The following KCNK10 variants were observed in gnomAD, a reference collection of about 807,000 sequenced individuals.
The protein encoded by KCNK10 is potassium channel subfamily K member 10.
A neutral mutation model predicts 47.7 loss-of-function variants in KCNK10; 25 were observed. The observed-to-expected ratio is 0.52, with a 90% CI of 0.38 to 0.73. The LOEUF (loss-of-function observed/expected upper bound fraction) is 0.73, where lower values mean the gene tolerates loss of function less well. Ranked by LOEUF, KCNK10 falls within the 30% of genes least tolerant of loss-of-function variation. The pLI, the probability that KCNK10 is intolerant of heterozygous loss-of-function variation, is 0.00. For missense variants in KCNK10, 563 were observed against 714.5 expected (o/e 0.79, Z 2.42); for synonymous variants, 303 against 285.6 (o/e 1.06, Z -0.61).
chr14:88,196,685 G>C (rs769782795), intron 4 of KCNK10, among the ~76,000 whole-genome samples: 3 of 152,160 alleles, frequency 2.0e-5, no homozygotes, highest in Non-Finnish European at 4.4e-5. Flanking sequence ...AAAATCCTAA[G>C]ACAGAAGCTA....
intron 1 of KCNK10, among the ~76,000 whole-genome samples, chr14:88,321,218 G>A (rs1005268423): frequency 6.6e-6 from 1 of 152,062 alleles, no homozygotes; most frequent in African/African-American, 2.4e-5. Flanking sequence ...TCCCTCTTCT[G>A]CAACAATTCC....
chr14:88,212,769 C>T (rs1885502576), intron 4 of KCNK10, among the ~76,000 whole-genome samples: 1 of 152,214 alleles, frequency 6.6e-6, no homozygotes, highest in South Asian at 2.1e-4. Context: ...TTATGATGCA[C>T]AAATGCAGCT....
Position 88,300,300 on chromosome 14 carries a change from T to C in KCNK10, c.52+22447A>G, listed in dbSNP as rs369157093. On this transcript the variant is annotated intron_variant, in intron 1 of 6. Coordinates refer to ENST00000319231, the MANE Select transcript of KCNK10 (RefSeq NM_138317.3). Reference sequence around the variant, plus strand: ...CTACTTCTTCTACTTCTCATTCTTATCCATCTTGTGCCACACGTCCTTCAT... The same window carrying C: ...CTACTTCTTCTACTTCTCATTCTTACCCATCTTGTGCCACACGTCCTTCAT... Among the ~76,000 whole-genome samples, 6 of 152,324 alleles carry C rather than the reference T, an allele frequency of 3.9e-5. No individual in the cohort carries two copies. In the East Asian group the frequency reaches 7.7e-4, roughly 20 times the overall value.
chr14:88,235,325 ACTTC>A, intron 3 of KCNK10: 2 of 434,834 alleles, frequency 4.6e-6, no homozygotes, highest in South Asian at 1.6e-5. Flanking sequence ...TAAATATAAA[ACTTC>A]CATAAGAAAA....
Position 88,263,426 on chromosome 14 carries a change from T to C in KCNK10, c.178A>G (p.Met60Val). Reference protein sequence around the residue: ...ISSRATVVARMEGTSQGGLQT... With the variant: ...ISSRATVVARVEGTSQGGLQT... ...AAGCCCCCTTGGGAGGTGCCTTCCA[T>C]CCTGGCTACCACTGTGGCTCGGGAG... Residue 60 changes from methionine (M) to valine (V), a missense_variant, in exon 2 of 7, where the codon ATG (methionine) becomes GTG (valine). Transcript: ENST00000319231. 6.2e-7 allele frequency: 1 copy of C among 1,614,142 alleles called. No homozygotes were observed. The highest frequency in any genetic ancestry group is 8.5e-7 in the Non-Finnish European group (1 of 1,180,038).
At chr14:88,229,180 G>GTCT (rs1423919079) in intron 3 of KCNK10, among the ~76,000 whole-genome samples, 1 of 152,184 alleles carries the variant, frequency 6.6e-6, no homozygotes, top group Non-Finnish European at 1.5e-5. Context: ...AGGCAAACAA[G>GTCT]TGGAGGCTTG....
At chr14:88,218,577 A>G (rs529514553) in intron 4 of KCNK10, among the ~76,000 whole-genome samples, 1 of 152,168 alleles carries the variant, frequency 6.6e-6, no homozygotes, top group East Asian at 1.9e-4. Flanking sequence ...AAAAGAAAAA[A>G]AAAAAAAGGT....
chr14:88,220,514 G>A (rs1385542790), intron 4 of KCNK10, among the ~76,000 whole-genome samples: 2 of 146,242 alleles, frequency 1.4e-5, no homozygotes, highest in Non-Finnish European at 3.0e-5. Flanking sequence ...TAGACAAATA[G>A]GTCAATGAAC....
chr14:88,298,485 G>A (rs1020644685), intron 1 of KCNK10, among the ~76,000 whole-genome samples: 1 of 151,996 alleles, frequency 6.6e-6, no homozygotes, highest in Non-Finnish European at 1.5e-5. Context: ...ACTGCTCCAC[G>A]CCTTAGAGAT....
At chr14:88,299,656 T>G (rs2139788823) in intron 1 of KCNK10, among the ~76,000 whole-genome samples, 1 of 152,222 alleles carries the variant, frequency 6.6e-6, no homozygotes, top group African/African-American at 2.4e-5. Flanking sequence ...TACTGTGCAT[T>G]TGGAAAAATA....
chr14:88,320,873 A>G (rs980577264), intron 1 of KCNK10, among the ~76,000 whole-genome samples: 1 of 152,038 alleles, frequency 6.6e-6, no homozygotes, highest in African/African-American at 2.4e-5. Flanking sequence ...CCAACCCCAC[A>G]ATGCTACCCC....
chr14:88,309,123 C>G (rs776147230), intron 1 of KCNK10, among the ~76,000 whole-genome samples: 1 of 152,080 alleles, frequency 6.6e-6, no homozygotes, highest in Non-Finnish European at 1.5e-5. Flanking sequence ...AAGAAGACTC[C>G]GGGCAAATAT....
At chr14:88,247,021 C>T (rs1886662989) in intron 2 of KCNK10, among the ~76,000 whole-genome samples, 1 of 152,200 alleles carries the variant, frequency 6.6e-6, no homozygotes, top group Admixed American at 6.5e-5. Flanking sequence ...CCAAGGGACT[C>T]ATGACACTGA....
At chr14:88,235,082 T>G in intron 3 of KCNK10, 1 of 456,572 alleles carries the variant, frequency 2.2e-6, no homozygotes. Flanking sequence ...CACCCTGAAC[T>G]TGATCTGGTT....
intron 3 of KCNK10, among the ~76,000 whole-genome samples, chr14:88,232,829 G>A (rs1886192103): frequency 6.6e-6 from 1 of 152,164 alleles, no homozygotes; most frequent in African/African-American, 2.4e-5. Flanking sequence ...TGATTTTTGG[G>A]AAAGCCCCCC....
intron 1 of KCNK10, among the ~76,000 whole-genome samples, chr14:88,268,580 G>A (rs1887331402): frequency 6.6e-6 from 1 of 152,200 alleles, no homozygotes; most frequent in African/African-American, 2.4e-5. Flanking sequence ...ATTCCAGGGG[G>A]AAAGGGCCCT....
At chr14:88,198,775 T>A (rs1885003968) in intron 4 of KCNK10, among the ~76,000 whole-genome samples, 1 of 152,128 alleles carries the variant, frequency 6.6e-6, no homozygotes, top group Non-Finnish European at 1.5e-5. Context: ...CCCCTTGTGA[T>A]CTCCTATCTA....
intron 1 of KCNK10, among the ~76,000 whole-genome samples, chr14:88,308,934 A>C (rs1595132416): frequency 6.6e-6 from 1 of 152,164 alleles, no homozygotes; most frequent in Non-Finnish European, 1.5e-5. Context: ...CATCCTTATT[A>C]ATGTATTTTT....
chr14:88,257,933 A>T (rs1219756781), intron 2 of KCNK10, among the ~76,000 whole-genome samples: 2 of 151,910 alleles, frequency 1.3e-5, no homozygotes, highest in Non-Finnish European at 2.9e-5. Flanking sequence ...GCATTGTAGG[A>T]TGTCTAGCAG....
Sources: allele counts gnomAD v4.1 joint callset (sites outside exome capture counted in the v4.1 genomes callset), GRCh38; gene constraint gnomAD v4.1.1; transcripts MANE v1.5; gene names NCBI Gene and HGNC (gene_info 2026-07-23, HGNC 2026-07-21).